The following FLRT2 variants were observed in gnomAD, a reference collection of about 807,000 sequenced individuals.
FLRT2 encodes leucine-rich repeat transmembrane protein FLRT2.
FLRT2 carries 15 observed loss-of-function variants against 40.0 expected under a neutral mutation model. The ratio of observed to expected loss-of-function variants is 0.38; its 90% confidence interval spans 0.25 to 0.58. FLRT2 has a LOEUF of 0.58. Ranked by LOEUF, FLRT2 falls within the 20% of genes least tolerant of loss-of-function variation. The pLI, the probability that FLRT2 is intolerant of heterozygous loss-of-function variation, is 0.71. For missense variants in FLRT2, 726 were observed against 840.0 expected, an observed-to-expected ratio of 0.86 and a Z score of 1.68; for synonymous variants, 380 against 336.8, an observed-to-expected ratio of 1.13 and a Z score of -1.41.
At chr14:85,597,117 G>A (rs986840100) in intron 1 of FLRT2, among the ~76,000 whole-genome samples, 5 of 152,022 alleles carry the variant, frequency 3.3e-5, no homozygotes, top group South Asian at 2.1e-4. Context: ...CAACTTTGGC[G>A]CTTTTGAACT....
At chr14:85,608,114 A>T (rs959910485) in intron 1 of FLRT2, among the ~76,000 whole-genome samples, 4 of 152,116 alleles carry the variant, frequency 2.6e-5, no homozygotes, top group African/African-American at 7.2e-5. Flanking sequence ...CTGTCTCCAA[A>T]TATAGTCACA....
intron 1 of FLRT2, among the ~76,000 whole-genome samples, chr14:85,570,877 G>A (rs1000727484): frequency 6.8e-6 from 1 of 147,418 alleles, no homozygotes; most frequent in Non-Finnish European, 1.5e-5. Context: ...GAGCCACCAC[G>A]CCCGGCCAAA....
Position 85,599,598 on chromosome 14 carries a change from C to T in FLRT2, c.-376-21541C>T, listed in dbSNP as rs545607296. 2.5e-4 allele frequency among the ~76,000 whole-genome samples: 38 copies of T among 152,314 alleles called. No homozygotes were observed. In the South Asian group the frequency reaches 7.7e-3, roughly 31 times the overall value. On this transcript the variant is annotated intron_variant, in intron 1 of 1. Coordinates refer to ENST00000330753, the MANE Select transcript of FLRT2 (RefSeq NM_013231.6). Reference sequence around the variant, plus strand: ...TTGAAGAAAGAAGTTTTAAGTTAGTCAGACAGCGCCATGTACAACTAAACA... The same window carrying T: ...TTGAAGAAAGAAGTTTTAAGTTAGTTAGACAGCGCCATGTACAACTAAACA...
chr14:85,586,142 C>T (rs1442813996), intron 1 of FLRT2, among the ~76,000 whole-genome samples: 1 of 148,026 alleles, frequency 6.8e-6, no homozygotes, highest in Non-Finnish European at 1.5e-5. Flanking sequence ...ATATAATACA[C>T]ATATGTATAT....
intron 1 of FLRT2, among the ~76,000 whole-genome samples, chr14:85,542,487 T>C (rs2139811780): frequency 6.6e-6 from 1 of 152,252 alleles, no homozygotes; most frequent in Non-Finnish European, 1.5e-5. Flanking sequence ...TCACATAATA[T>C]ATAATGTAAT....
In FLRT2 at chr14:85,630,207, A is replaced by G. The variant is rs1893828767; in HGVS notation, c.*6710A>G. The G allele has an allele frequency of 6.6e-6, 1 of 151,492 alleles. No individual in the cohort carries two copies. The highest frequency in any genetic ancestry group is 6.6e-5 in the Admixed American group (1 of 15,224). 9.4% of individuals were successfully genotyped at this position (151,492 alleles called of 1,614,324 possible). ...TCACTGGCTCTACTGAAAGTTAAGG[A>G]TACAAAAGTTTTTAATGGTAATAAC... On this transcript the variant is annotated 3_prime_UTR_variant, in exon 2 of 2. Coordinates refer to ENST00000330753, the MANE Select transcript of FLRT2 (RefSeq NM_013231.6).
rs1894192125 is a variant in FLRT2 at position 85,643,152 on chromosome 14, G to A, written c.*19655G>A. 2 of 152,100 alleles carry A rather than the reference G, an allele frequency of 1.3e-5. No homozygotes were observed. Among genetic ancestry groups the A allele is most frequent in the African/African-American group, 4.8e-5 (2 of 41,402 alleles). 9.4% of individuals were successfully genotyped at this position (152,100 alleles called of 1,614,324 possible). A position where few individuals can be genotyped will look rare whatever the true frequency, so the allele number is the denominator to read the frequency against. ...TCAAACACTATTCCACTCGGGGCTAGGATGTCAACATATGAAATTTAGGGG... is the reference window on the plus strand; with the variant it reads ...TCAAACACTATTCCACTCGGGGCTAAGATGTCAACATATGAAATTTAGGGG... On this transcript the variant is annotated 3_prime_UTR_variant, in exon 2 of 2. Transcript: ENST00000330753.
chr14:85,543,402 C>T (rs1228279731), intron 1 of FLRT2, among the ~76,000 whole-genome samples: 1 of 151,960 alleles, frequency 6.6e-6, no homozygotes, highest in Non-Finnish European at 1.5e-5. Flanking sequence ...AGAAAAGTAC[C>T]TTCAGAGAGG....
At chr14:85,600,727 G>A (rs931077304) in intron 1 of FLRT2, among the ~76,000 whole-genome samples, 6 of 152,140 alleles carry the variant, frequency 3.9e-5, no homozygotes, top group Admixed American at 6.5e-5. Flanking sequence ...GTAAGAAATA[G>A]AGACAATATA....
intron 1 of FLRT2, among the ~76,000 whole-genome samples, chr14:85,544,796 C>T (rs112583379): frequency 2.1e-4 from 32 of 152,228 alleles, no homozygotes; most frequent in African/African-American, 6.7e-4. Flanking sequence ...TTAAGTTTCG[C>T]GGTAGATTGC....
intron 1 of FLRT2, among the ~76,000 whole-genome samples, chr14:85,618,729 A>G (rs1893248716): frequency 1.3e-5 from 2 of 152,358 alleles, no homozygotes; most frequent in South Asian, 4.1e-4. Flanking sequence ...AAATTAAAAC[A>G]TGAATGATTA....
Position 85,651,512 on chromosome 14 carries a change from T to A in FLRT2, c.*28015T>A, listed in dbSNP as rs1894432876. 2 of 152,122 alleles carry A rather than the reference T, an allele frequency of 1.3e-5. No individual in the cohort carries two copies. The highest frequency in any genetic ancestry group is 2.4e-5 in the African/African-American group (1 of 41,440). The allele number at this position is 152,122 out of a possible 1,614,324, so 9.4% of individuals were successfully genotyped here. On this transcript the variant is annotated 3_prime_UTR_variant, in exon 2 of 2. Coordinates refer to ENST00000330753, the MANE Select transcript of FLRT2 (RefSeq NM_013231.6). ...CCTGTGTCCATTTATTTCAATAATATCTTATACTATGACTCTATATTATTA... is the reference window on the plus strand; with the variant it reads ...CCTGTGTCCATTTATTTCAATAATAACTTATACTATGACTCTATATTATTA...
chr14:85,596,434 T>C (rs1892141230), intron 1 of FLRT2, among the ~76,000 whole-genome samples: 1 of 152,230 alleles, frequency 6.6e-6, no homozygotes, highest in Non-Finnish European at 1.5e-5. Flanking sequence ...CTATTTGTCA[T>C]GTTACGCCTT....
At position 85,642,845 on chromosome 14, in the gene FLRT2, A is replaced by C. The variant is rs531299445; in HGVS notation, c.*19348A>C. ...AAGAAATTCCTTGGCATATTGTAGA[A>C]TCTGAAATATAGGTTGTATATTTAT... On this transcript the variant is annotated 3_prime_UTR_variant, in exon 2 of 2. Transcript: ENST00000330753. The C allele has an allele frequency of 5.9e-5, 9 of 152,186 alleles. No individual in the cohort carries two copies. The highest frequency in any genetic ancestry group is 2.2e-4 in the African/African-American group (9 of 41,524). The allele number at this position is 152,186 out of a possible 1,614,324, so 9.4% of individuals were successfully genotyped here.
intron 1 of FLRT2, among the ~76,000 whole-genome samples, chr14:85,536,139 C>T (rs1244209472): frequency 1.3e-5 from 2 of 151,990 alleles, no homozygotes; most frequent in Admixed American, 1.3e-4. Context: ...CTTTGACCGG[C>T]TGGATCTAAT....
chr14:85,561,789 A>C (rs2139845875), intron 1 of FLRT2, among the ~76,000 whole-genome samples: 1 of 152,372 alleles, frequency 6.6e-6, no homozygotes, highest in South Asian at 2.1e-4. Flanking sequence ...TTTTTTAAAA[A>C]TGTATCATAA....
At chr14:85,611,788 T>A (rs1892872578) in intron 1 of FLRT2, among the ~76,000 whole-genome samples, 1 of 152,326 alleles carries the variant, frequency 6.6e-6, no homozygotes, top group African/African-American at 2.4e-5. Flanking sequence ...GTATGAATGT[T>A]ATTTTTATTG....
chr14:85,603,585 T>C (rs1892475472), intron 1 of FLRT2, among the ~76,000 whole-genome samples: 1 of 152,134 alleles, frequency 6.6e-6, no homozygotes, highest in Non-Finnish European at 1.5e-5. Context: ...AGACCTGGAT[T>C]GAGACCAGGC....
intron 1 of FLRT2, among the ~76,000 whole-genome samples, chr14:85,588,090 G>A (rs1891712333): frequency 6.6e-6 from 1 of 152,020 alleles, no homozygotes; most frequent in Non-Finnish European, 1.5e-5. Context: ...TATTGATGAT[G>A]ATGATGGGAT....
Sources: gnomAD v4.1 joint callset for allele counts (sites outside exome capture counted in the v4.1 genomes callset) on GRCh38, gnomAD v4.1.1 for gene constraint, MANE v1.5 for transcripts, NCBI Gene and HGNC (gene_info 2026-07-23, HGNC 2026-07-21) for gene names.